The following IL7 variants were observed in gnomAD, a reference collection of about 807,000 sequenced individuals.
IL7 encodes interleukin 7, also known as interleukin-7.
Under a neutral mutation model 21.6 loss-of-function variants are expected in IL7, and 3 were observed. The observed-to-expected ratio is 0.14, with a 90% CI of 0.06 to 0.36. The LOEUF is 0.36. Among genes scored for constraint, IL7 ranks in the 10% least tolerant of loss-of-function variants. IL7 has a pLI of 1.00. For synonymous variants in IL7, 62 were observed against 68.1 expected (o/e 0.91, Z 0.44); for missense variants, 175 against 200.2 (o/e 0.87, Z 0.76).
At chr8:78,796,766 G>A (rs1323647584) in intron 2 of IL7, among the ~76,000 whole-genome samples, 4 of 151,952 alleles carry the variant, frequency 2.6e-5, no homozygotes, top group East Asian at 1.9e-4. Flanking sequence ...AAAGGCTGGC[G>A]AAGATGGAAG....
chr8:78,690,935 C>T (rs1036875698), intron 3 of IL7, among the ~76,000 whole-genome samples: 2 of 151,354 alleles, frequency 1.3e-5, no homozygotes, highest in African/African-American at 4.9e-5. Context: ...AATCTTATAC[C>T]CTGCTATTTT....
intron 2 of IL7, among the ~76,000 whole-genome samples, chr8:78,796,364 T>G (rs1358955045): frequency 1.3e-5 from 2 of 152,100 alleles, no homozygotes; most frequent in East Asian, 1.9e-4. Context: ...TAATAAAATA[T>G]TTACAGGATT....
chr8:78,715,096 G>T, downstream of IL7: 1 of 757,374 alleles, frequency 1.3e-6, no homozygotes, highest in Non-Finnish European at 2.0e-6. Context: ...AATAATTATT[G>T]GGACTTTAAT....
intron 2 of IL7, among the ~76,000 whole-genome samples, chr8:78,785,571 T>C (rs2130817689): frequency 6.6e-6 from 1 of 152,356 alleles, no homozygotes; most frequent in East Asian, 1.9e-4. Flanking sequence ...TTTGATATTC[T>C]GTTGTAAAAT....
At chr8:78,774,541 T>G (rs1813068971) in intron 2 of IL7, among the ~76,000 whole-genome samples, 3 of 152,236 alleles carry the variant, frequency 2.0e-5, no homozygotes, top group Admixed American at 6.5e-5. Flanking sequence ...TTCCCAGTCC[T>G]TCCTATGACC....
chr8:78,732,511 GAC>G (rs1811445500), downstream of IL7, among the ~76,000 whole-genome samples: 1 of 152,124 alleles, frequency 6.6e-6, no homozygotes, highest in African/African-American at 2.4e-5. Flanking sequence ...AATGCAAACT[GAC>G]AGCTATTTGT....
downstream of IL7, among the ~76,000 whole-genome samples, chr8:78,732,260 A>G (rs1429022243): frequency 2.6e-5 from 4 of 152,138 alleles, no homozygotes; most frequent in Admixed American, 1.3e-4. Flanking sequence ...TACTTGACTC[A>G]AAGTCCTGTT....
At chr8:78,697,360 A>G (rs764490342) in intron 3 of IL7, 5 of 1,449,998 alleles carry the variant, frequency 3.4e-6, no homozygotes, top group South Asian at 1.2e-5. Context: ...TTTACAATCC[A>G]TAATCAAAAA....
chr8:78,704,888 C>T (rs897797359), intron 3 of IL7, among the ~76,000 whole-genome samples: 12 of 152,160 alleles, frequency 7.9e-5, no homozygotes, highest in African/African-American at 2.2e-4. Flanking sequence ...TTGGTCTCTT[C>T]TGCTATTAAT....
At chr8:78,698,544 G>A in intron 3 of IL7, 1 of 1,442,418 alleles carries the variant, frequency 6.9e-7, no homozygotes, top group Middle Eastern at 1.8e-4. Context: ...ATTATTAGTG[G>A]TATATAATTA....
chr8:78,784,773 T>C (rs1813455234), intron 2 of IL7, among the ~76,000 whole-genome samples: 1 of 152,116 alleles, frequency 6.6e-6, no homozygotes, highest in Non-Finnish European at 1.5e-5. Context: ...ACTCTAATTC[T>C]ACAAGGAAGT....
chr8:78,784,809 T>C (rs765426026), intron 2 of IL7, among the ~76,000 whole-genome samples: 4 of 152,156 alleles, frequency 2.6e-5, no homozygotes, highest in Non-Finnish European at 4.4e-5. Context: ...AATTGACCTT[T>C]TACTACAGTG....
At chr8:78,738,417 A>C (rs949533425) in intron 4 of IL7, 87 bp downstream of exon 4, 4 of 1,107,532 alleles carry the variant, frequency 3.6e-6, no homozygotes, top group Admixed American at 2.3e-5. Context: ...GGATTCTATG[A>C]TAATGGATGT....
intron 2 of IL7, among the ~76,000 whole-genome samples, chr8:78,786,919 A>C (rs1301486592): frequency 6.6e-6 from 1 of 152,136 alleles, no homozygotes; most frequent in Non-Finnish European, 1.5e-5. Context: ...AGAGGGGCTG[A>C]AGGTTATGTT....
chr8:78,687,065 A>C (rs1304169519), intron 3 of IL7, among the ~76,000 whole-genome samples: 1 of 152,068 alleles, frequency 6.6e-6, no homozygotes, highest in Non-Finnish European at 1.5e-5. Context: ...TTATGGCTTA[A>C]ATTTGTATAT....
At position 78,733,668 on chromosome 8, in the gene IL7, G is replaced by A; in HGVS notation, c.*45C>T. The A allele has an allele frequency of 6.3e-7, 1 of 1,577,818 alleles. No homozygotes were observed. The highest frequency in any genetic ancestry group is 8.6e-7 in the Non-Finnish European group (1 of 1,163,638). ...CTGCATAAGCAGATAGATTCTTGGA[G>A]GATGCAGCTAAAGTTCGTGTTTCTA... On this transcript the variant is annotated 3_prime_UTR_variant, in exon 6 of 6. Transcript: ENST00000263851.
At chr8:78,686,294 A>T (rs374088649) in intron 3 of IL7, among the ~76,000 whole-genome samples, 15 of 152,290 alleles carry the variant, frequency 9.8e-5, no homozygotes, top group African/African-American at 3.6e-4. Context: ...ATAAAATTGC[A>T]ATGTAGTTGC....
chr8:78,684,532 G>T (rs1172610100), intron 4 of IL7, among the ~76,000 whole-genome samples: 1 of 152,080 alleles, frequency 6.6e-6, no homozygotes, highest in Non-Finnish European at 1.5e-5. Flanking sequence ...TTTGGGTGGG[G>T]ACACAGCCAA....
chr8:78,719,439 T>C lies in IL7; in HGVS notation n.477-329A>G, dbSNP rs187312995. 5.9e-5 allele frequency: 9 copies of C among 151,910 alleles called. No homozygotes were observed. The East Asian group carries it at 1.4e-3, about 23-fold the overall frequency. 9.4% of individuals were successfully genotyped at this position (151,910 alleles called of 1,614,324 possible). A position where few individuals can be genotyped will look rare whatever the true frequency, so the allele number is the denominator to read the frequency against. Reference sequence around the variant, plus strand: ...AAATAGATTTATGACTTACGAAATATGTTGTGACAATATATTTAAATGCAT... The same window carrying C: ...AAATAGATTTATGACTTACGAAATACGTTGTGACAATATATTTAAATGCAT... On this transcript the variant is annotated intron_variant and non_coding_transcript_variant, in intron 5 of 6. Coordinates refer to the IL7 transcript ENST00000519833.
Sources: gnomAD v4.1 joint callset for allele counts (sites outside exome capture counted in the v4.1 genomes callset) on GRCh38, gnomAD v4.1.1 for gene constraint, MANE v1.5 for transcripts, NCBI Gene and HGNC (gene_info 2026-07-23, HGNC 2026-07-21) for gene names.